Variants in SMPDL3A observed in about 807,000 individuals in gnomAD.
The protein encoded by SMPDL3A is sphingomyelin phosphodiesterase acid like 3A.
In SMPDL3A, 39 loss-of-function variants were observed where a neutral mutation model predicts 38.5. The ratio of observed to expected loss-of-function variants is 1.01; its 90% CI spans 0.78 to 1.32. The LOEUF (loss-of-function observed/expected upper bound fraction) is 1.32. Ranked by LOEUF, SMPDL3A falls within the 40% of genes most tolerant of loss-of-function variation. SMPDL3A has a pLI of 0.00. For missense variants in SMPDL3A, 502 were observed against 536.2 expected (o/e 0.94, Z 0.63); for synonymous variants, 180 against 194.3 (o/e 0.93, Z 0.61).
intron 1 of SMPDL3A, among the ~76,000 whole-genome samples, chr6:122,791,431 G>A (rs1321873171): frequency 1.3e-5 from 2 of 152,168 alleles, no homozygotes; most frequent in East Asian, 1.9e-4. Flanking sequence ...TAACTTAAGA[G>A]TATGCACTGG....
At position 122,809,653 on chromosome 6, in the gene SMPDL3A, A is replaced by G. The variant is rs1226780328; in HGVS notation, c.*245A>G. 9.7e-6 allele frequency: 3 copies of G among 308,540 alleles called. No individual in the cohort carries two copies. The highest frequency in any genetic ancestry group is 1.8e-5 in the Non-Finnish European group (3 of 168,432). The allele number at this position is 308,540 out of a possible 1,614,324, so 19.1% of individuals were successfully genotyped here. A position where few individuals can be genotyped will look rare whatever the true frequency, so the allele number is the denominator to read the frequency against. The stretch of plus-strand genomic sequence containing the variant: ...TGGATGTAAATATTCAGTTTATATA[A>G]TTATATCTAATTTGTACCCTTGTTG... On this transcript the variant is annotated 3_prime_UTR_variant, in exon 8 of 8. Transcript: ENST00000368440.
At chr6:122,800,183 A>G (rs532099355) in intron 3 of SMPDL3A, among the ~76,000 whole-genome samples, 1 of 152,134 alleles carries the variant, frequency 6.6e-6, no homozygotes. Flanking sequence ...CCTCCAGGCG[A>G]GGCTCCCCAT....
chr6:122,806,306 C>T lies in SMPDL3A; in HGVS notation c.993C>T (p.Asn331=), dbSNP rs1405575345. The change falls in exon 7 of 8, where the codon AAC becomes AAT. Residue 331 remains asparagine, a synonymous_variant. Transcript: ENST00000368440. ...AGAGTGTTTTAGAAAAACAGACCAACAATCCTGGTATCAGACTGTTTCAGT... is the reference window on the plus strand; with the variant it reads ...AGAGTGTTTTAGAAAAACAGACCAATAATCCTGGTATCAGACTGTTTCAGT... ...PVKSVLEKQT[N]NPGIRLFQYD... 1.9e-6 allele frequency: 3 copies of T among 1,613,446 alleles called. No homozygotes were observed. In the African/African-American group the frequency reaches 4.0e-5, roughly 22 times the overall value.
intron 5 of SMPDL3A, 71 bp from the exon 6 acceptor site, chr6:122,804,838 C>T: frequency 1.5e-6 from 2 of 1,308,842 alleles, no homozygotes; most frequent in Non-Finnish European, 2.1e-6. Context: ...TCTTGGGTAT[C>T]CAAATGTCAT....
Position 122,789,332 on chromosome 6 carries a change from G to GC in SMPDL3A, c.-11dup. 6.5e-7 allele frequency: 1 copy of GC among 1,534,528 alleles called. No individual in the cohort carries two copies. Reference sequence around the variant, plus strand: ...CGGGACAGCCCGAACCTCCAGGTCAGCCCCGCGGCCCTCCATGGCGCTGGT... The same window carrying GC: ...CGGGACAGCCCGAACCTCCAGGTCAGCCCCCGCGGCCCTCCATGGCGCTGGT... On this transcript the variant is annotated 5_prime_UTR_variant, in exon 1 of 8. Transcript: ENST00000368440.
intron 3 of SMPDL3A, among the ~76,000 whole-genome samples, chr6:122,801,054 G>C (rs1002570840): frequency 3.9e-5 from 6 of 152,098 alleles, no homozygotes; most frequent in Admixed American, 2.0e-4. Context: ...CCTGGCCCTT[G>C]GCTACACTTG....
At chr6:122,798,689 CAG>C (rs141835723) in intron 3 of SMPDL3A, among the ~76,000 whole-genome samples, 1,853 of 152,276 alleles carry the variant, frequency 0.012, 38 homozygotes, top group African/African-American at 0.042. Context: ...TAAGTGGTGA[CAG>C]GGGATACATG....
chr6:122,808,007 T>A (rs1781690291), intron 7 of SMPDL3A, among the ~76,000 whole-genome samples: 1 of 152,198 alleles, frequency 6.6e-6, no homozygotes, highest in South Asian at 2.1e-4. Flanking sequence ...TATATTTACG[T>A]GTGTACATAT....
In SMPDL3A at chr6:122,809,215, G is replaced by T; in HGVS notation, c.1169G>T (p.Gly390Val). The change falls in exon 8 of 8, where the codon GGA (glycine) becomes GTA (valine). Residue 390 changes from glycine (G) to valine (V), a missense_variant. Transcript: ENST00000368440. Reference sequence around the variant, plus strand: ...GATTTGCAGCCGGAAAGTTTATATGGATTAGCTAAACAATTTACAATCCTA... The same window carrying T: ...GATTTGCAGCCGGAAAGTTTATATGTATTAGCTAAACAATTTACAATCCTA... ...IEDLQPESLY[G>V]LAKQFTILDS... 1 of 1,614,136 alleles carries T rather than the reference G, an allele frequency of 6.2e-7. No homozygotes were observed. Among genetic ancestry groups the T allele is most frequent in the Non-Finnish European group, 8.5e-7 (1 of 1,180,016 alleles).
At chr6:122,794,268 A>G (rs1422735812) in intron 1 of SMPDL3A, among the ~76,000 whole-genome samples, 3 of 152,146 alleles carry the variant, frequency 2.0e-5, no homozygotes, top group African/African-American at 7.2e-5. Flanking sequence ...GAGAGATACC[A>G]CTGTGATTAT....
At chr6:122,792,617 GT>G (rs1781112334) in intron 1 of SMPDL3A, among the ~76,000 whole-genome samples, 1 of 148,070 alleles carries the variant, frequency 6.8e-6, no homozygotes, top group African/African-American at 2.5e-5. Flanking sequence ...GTCGTTATCT[GT>G]TTTCTTTCTT....
intron 3 of SMPDL3A, chr6:122,797,201 A>G (rs1409645293): frequency 5.1e-6 from 2 of 389,836 alleles, no homozygotes; most frequent in Non-Finnish European, 9.0e-6. Flanking sequence ...GAATAAAATT[A>G]TCCAGTTTGT....
chr6:122,804,644 A>C (rs188581366), intron 5 of SMPDL3A, among the ~76,000 whole-genome samples: 2 of 152,130 alleles, frequency 1.3e-5, no homozygotes, highest in Admixed American at 1.3e-4. Context: ...TTTTAGGATT[A>C]GTGGACATCT....
rs1582554403 is a variant in SMPDL3A at position 122,803,983 on chromosome 6, T to C, written c.738+150T>C. On this transcript the variant is annotated intron_variant, in intron 5 of 7. Coordinates refer to ENST00000368440, the MANE Select transcript of SMPDL3A (RefSeq NM_006714.5). ...CACTTTACAACTCATGGATTTTCTT[T>C]CTTTTTTTTTTTTTTAAATTTCGAG... 9.9e-6 allele frequency: 6 copies of C among 608,390 alleles called. No homozygotes were observed. The East Asian group carries it at 1.8e-4, about 18-fold the overall frequency. 37.7% of individuals were successfully genotyped at this position (608,390 alleles called of 1,614,324 possible). A position where few individuals can be genotyped will look rare whatever the true frequency, so the allele number is the denominator to read the frequency against.
At position 122,798,192 on chromosome 6, in the gene SMPDL3A, A is replaced by G. The variant is rs376251145; in HGVS notation, c.471+1224A>G. Among the ~76,000 whole-genome samples the G allele has an allele frequency of 3.3e-5, 5 of 152,288 alleles. No homozygotes were observed. The East Asian group carries it at 9.7e-4, about 29-fold the overall frequency. ...TATTCTAGAATAAGCTTAAGTTTCC[A>G]GTGACTTCTTGTCCCTGGCCTACTA... On this transcript the variant is annotated intron_variant, in intron 3 of 7. Coordinates refer to ENST00000368440, the MANE Select transcript of SMPDL3A (RefSeq NM_006714.5).
Position 122,803,580 on chromosome 6 carries a change from A to T in SMPDL3A, c.569-84A>T, listed in dbSNP as rs920072958. The T allele has an allele frequency of 4.0e-6, 4 of 988,744 alleles. No homozygotes were observed. In the African/African-American group the frequency reaches 6.5e-5, roughly 16 times the overall value. 61.2% of individuals were successfully genotyped at this position (988,744 alleles called of 1,614,324 possible). A position where few individuals can be genotyped will look rare whatever the true frequency, so the allele number is the denominator to read the frequency against. The stretch of plus-strand genomic sequence containing the variant: ...AAATAAGCACCAACCTCCTGACTGG[A>T]TTGTAAACCTCAGGAATTTGCTTTC... On this transcript the variant is annotated intron_variant, in intron 4 of 7. Coordinates refer to ENST00000368440, the MANE Select transcript of SMPDL3A (RefSeq NM_006714.5).
At position 122,791,647 on chromosome 6, in the gene SMPDL3A, C is replaced by T. The variant is rs992862910; in HGVS notation, c.112+2189C>T. Among the ~76,000 whole-genome samples the T allele has an allele frequency of 3.3e-5, 5 of 152,058 alleles. No individual in the cohort carries two copies. In the East Asian group the frequency reaches 7.7e-4, roughly 23 times the overall value. On this transcript the variant is annotated intron_variant, in intron 1 of 7. Coordinates refer to ENST00000368440, the MANE Select transcript of SMPDL3A (RefSeq NM_006714.5). ...TGAGAGTTTTTCTAGATTTGCTGAA[C>T]ACACACACATATTTTTGGAAGTCTT...
At chr6:122,806,800 T>C (rs1409231624) in intron 7 of SMPDL3A, among the ~76,000 whole-genome samples, 2 of 152,230 alleles carry the variant, frequency 1.3e-5, no homozygotes, top group Non-Finnish European at 2.9e-5. Flanking sequence ...AAATATTATT[T>C]AATTCACTGA....
rs1781784143 is a variant in SMPDL3A, at chr6:122,809,648, ATATAAT to A, written c.*245_*250del. ...TAAATTGGATGTAAATATTCAGTTT[ATATAAT>A]TATATCTAATTTGTACCCTTGTTGA... On this transcript the variant is annotated 3_prime_UTR_variant, in exon 8 of 8. Transcript: ENST00000368440. 7 of 325,176 alleles carry A rather than the reference ATATAAT, an allele frequency of 2.2e-5. No individual in the cohort carries two copies. Among genetic ancestry groups the A allele is most frequent in the Non-Finnish European group, 3.4e-5 (6 of 179,048 alleles). 20.1% of individuals were successfully genotyped at this position (325,176 alleles called of 1,614,324 possible).
Sources: allele counts gnomAD v4.1 joint callset (sites outside exome capture counted in the v4.1 genomes callset), GRCh38; gene constraint gnomAD v4.1.1; transcripts MANE v1.5; gene names NCBI Gene and HGNC (gene_info 2026-07-23, HGNC 2026-07-21).